The following INIP variants were observed in gnomAD, a reference collection of about 807,000 sequenced individuals.
INIP encodes INTS3 and NABP interacting protein.
INIP carries 9 observed loss-of-function variants against 14.0 expected under a neutral mutation model. The observed-to-expected ratio is 0.64, with a 90% CI of 0.39 to 1.12. INIP has a LOEUF of 1.12. Ranked by LOEUF, INIP falls within the 50% of genes most tolerant of loss-of-function variation. The pLI, the probability that INIP is intolerant of heterozygous loss-of-function variation, is 0.01. For synonymous variants in INIP, 37 were observed against 41.5 expected (o/e 0.89, Z 0.41); for missense variants, 78 against 122.7 (o/e 0.64, Z 1.72).
chr9:112,698,700 T>C (rs900993871), intron 2 of INIP, among the ~76,000 whole-genome samples: 1 of 152,188 alleles, frequency 6.6e-6, no homozygotes, highest in Non-Finnish European at 1.5e-5. Flanking sequence ...AACTATGTAT[T>C]TCAATATTAA....
At chr9:112,696,572 T>C (rs939364946) in intron 2 of INIP, among the ~76,000 whole-genome samples, 4 of 152,180 alleles carry the variant, frequency 2.6e-5, no homozygotes, top group Admixed American at 6.5e-5. Flanking sequence ...TACCTGGAGA[T>C]AGTGTGGGGC....
chr9:112,697,013 GCTCCAC>G (rs1564228749), intron 2 of INIP, among the ~76,000 whole-genome samples: 1 of 152,124 alleles, frequency 6.6e-6, no homozygotes, highest in African/African-American at 2.4e-5. Context: ...TTTGTGATCA[GCTCCAC>G]CTCAGTCCCT....
intron 1 of INIP, among the ~76,000 whole-genome samples, chr9:112,716,976 A>G (rs1309128706): frequency 6.6e-6 from 1 of 152,030 alleles, no homozygotes; most frequent in Non-Finnish European, 1.5e-5. Context: ...AAAAAAAAAA[A>G]AGAAAAGAAA....
intron 2 of INIP, among the ~76,000 whole-genome samples, chr9:112,696,192 C>T (rs1427685094): frequency 6.6e-6 from 1 of 152,064 alleles, no homozygotes; most frequent in African/African-American, 2.4e-5. Context: ...GAGCTAAGCC[C>T]ATTGTGGTCT....
intron 2 of INIP, 84 bp from the exon 3 acceptor site, chr9:112,694,317 A>T (rs74461374): frequency 1.3e-6 from 1 of 785,294 alleles, no homozygotes; most frequent in East Asian, 2.6e-5. Flanking sequence ...AACCTAAGTC[A>T]TCTAGAACCA....
chr9:112,714,097 A>C (rs1838732528), intron 2 of INIP, among the ~76,000 whole-genome samples: 1 of 152,224 alleles, frequency 6.6e-6, no homozygotes, highest in Non-Finnish European at 1.5e-5. Context: ...AGAATGAATA[A>C]ACAAAATGTG....
chr9:112,715,731 C>A (rs192633943), intron 2 of INIP, among the ~76,000 whole-genome samples: 7 of 151,664 alleles, frequency 4.6e-5, no homozygotes, highest in Admixed American at 4.6e-4. Flanking sequence ...CAAGATCATG[C>A]CATTGCACTC....
intron 2 of INIP, among the ~76,000 whole-genome samples, chr9:112,698,303 C>CAAAAA (rs755265359): frequency 0.01 from 434 of 42,468 alleles, no homozygotes; most frequent in East Asian, 0.014. Context: ...GACTCTGTCT[C>CAAAAA]AAAAAAAAAA....
At chr9:112,690,868 T>C (rs370415335) in intron 3 of INIP, among the ~76,000 whole-genome samples, 12 of 152,288 alleles carry the variant, frequency 7.9e-5, no homozygotes, top group African/African-American at 2.2e-4. Context: ...CCTAAGCCAC[T>C]GCAGTCATAT....
chr9:112,714,290 A>G (rs1229396359), intron 2 of INIP, among the ~76,000 whole-genome samples: 1 of 152,204 alleles, frequency 6.6e-6, no homozygotes, highest in Non-Finnish European at 1.5e-5. Flanking sequence ...AACAGAGATG[A>G]GTAATTTAAA....
At chr9:112,708,218 G>A (rs376027798) in intron 2 of INIP, among the ~76,000 whole-genome samples, 3 of 152,138 alleles carry the variant, frequency 2.0e-5, no homozygotes, top group East Asian at 1.9e-4. Context: ...GCGTGAAAGC[G>A]GGGGGAGCAG....
At chr9:112,710,065 A>C (rs1331669034) in intron 2 of INIP, among the ~76,000 whole-genome samples, 2 of 152,262 alleles carry the variant, frequency 1.3e-5, no homozygotes, top group Admixed American at 1.3e-4. Flanking sequence ...GCACTGGGAC[A>C]AACTCTTAAT....
chr9:112,700,768 A>G (rs1290672167), intron 2 of INIP, among the ~76,000 whole-genome samples: 1 of 151,818 alleles, frequency 6.6e-6, no homozygotes, highest in East Asian at 1.9e-4. Context: ...TGCATGTTTG[A>G]CAATCAGAGC....
intron 3 of INIP, among the ~76,000 whole-genome samples, chr9:112,690,537 T>C (rs1837847154): frequency 6.6e-6 from 1 of 152,202 alleles, no homozygotes; most frequent in Admixed American, 6.5e-5. Flanking sequence ...GCAGACAGTG[T>C]TGGTCACCTC....
chr9:112,689,568 C>A lies in INIP; in HGVS notation c.178G>T (p.Glu60Ter), dbSNP rs373179238. 2.7e-5 allele frequency: 43 copies of A among 1,614,088 alleles called. No individual in the cohort carries two copies. The highest frequency in any genetic ancestry group is 3.4e-5 in the Non-Finnish European group (40 of 1,180,032). Residue 60 changes from glutamate to a stop codon, truncating the protein, a stop_gained, in exon 4 of 5, where the codon GAG (glutamate) becomes TAG (stop). Coordinates refer to ENST00000374242, the MANE Select transcript of INIP (RefSeq NM_021218.3). LOFTEE classifies it high-confidence loss of function. ...SLNKDFRDHA[E>*]QQHIAAQQKA... ...TGTTGGGCTGCAATATGCTGCTGCTCAGCGTGATCCCGGAAGTCCTTATTA... is the reference window on the plus strand; with the variant it reads ...TGTTGGGCTGCAATATGCTGCTGCTAAGCGTGATCCCGGAAGTCCTTATTA...
At chr9:112,695,832 GAGA>G (rs1199923212) in intron 2 of INIP, among the ~76,000 whole-genome samples, 8 of 102,460 alleles carry the variant, frequency 7.8e-5, no homozygotes, top group African/African-American at 2.0e-4. Context: ...GAAGAAGAAG[GAGA>G]AGAAGGAGAA....
chr9:112,695,725 A>AGAAGAAGAG (rs922758050), intron 2 of INIP, among the ~76,000 whole-genome samples: 1 of 144,576 alleles, frequency 6.9e-6, no homozygotes, highest in African/African-American at 2.5e-5. Flanking sequence ...TCATTAAAAA[A>AGAAGAAGAG]GAAGAAGAGG....
At chr9:112,702,814 C>T (rs528238935) in intron 2 of INIP, among the ~76,000 whole-genome samples, 1 of 152,316 alleles carries the variant, frequency 6.6e-6, no homozygotes, top group South Asian at 2.1e-4. Flanking sequence ...CTGCCCACCT[C>T]AGCCTCCCAA....
At chr9:112,705,443 G>A (rs1838429407) in intron 2 of INIP, among the ~76,000 whole-genome samples, 1 of 151,960 alleles carries the variant, frequency 6.6e-6, no homozygotes, top group South Asian at 2.1e-4. Context: ...CCAAGTAGCT[G>A]GGACCACAGG....
Sources: allele counts gnomAD v4.1 joint callset (sites outside exome capture counted in the v4.1 genomes callset), GRCh38; gene constraint gnomAD v4.1.1; transcripts MANE v1.5; gene names NCBI Gene and HGNC (gene_info 2026-07-23, HGNC 2026-07-21).